Variants in MTUS2 observed in about 807,000 individuals in gnomAD.
MTUS2 encodes microtubule associated scaffold protein 2.
A neutral mutation model predicts 114.1 loss-of-function variants in MTUS2; 40 were observed. That is an observed-to-expected ratio of 0.35 (90% CI 0.27 to 0.46). The LOEUF is 0.46. Ranked by LOEUF, MTUS2 falls within the 20% of genes least tolerant of loss-of-function variation. MTUS2 has a pLI of 1.00. For synonymous variants in MTUS2, 688 were observed against 672.0 expected, an observed-to-expected ratio of 1.02 and a Z score of -0.37; for missense variants, 1,679 against 1,705.4, an observed-to-expected ratio of 0.98 and a Z score of 0.27.
chr13:29,195,304 T>A (rs1163244287), intron 5 of MTUS2, among the ~76,000 whole-genome samples: 1 of 151,834 alleles, frequency 6.6e-6, no homozygotes, highest in Non-Finnish European at 1.5e-5. Flanking sequence ...TTGGATATTA[T>A]AGAAAGGTTA....
intron 5 of MTUS2, among the ~76,000 whole-genome samples, chr13:29,203,711 T>A (rs1895060425): frequency 6.6e-6 from 1 of 152,052 alleles, no homozygotes; most frequent in Non-Finnish European, 1.5e-5. Flanking sequence ...AAAAGCATAG[T>A]ATCTGGGCTG....
intron 4 of MTUS2, among the ~76,000 whole-genome samples, chr13:29,050,576 A>T (rs534000066): frequency 6.6e-6 from 1 of 151,990 alleles, no homozygotes. Context: ...CTCGGTCACA[A>T]CCATCAGCGT....
At chr13:29,374,288 A>AATGGC (rs1270782662) in intron 8 of MTUS2, among the ~76,000 whole-genome samples, 1 of 151,756 alleles carries the variant, frequency 6.6e-6, no homozygotes. Context: ...GTGAAGAAAT[A>AATGGC]ATGGCTGAAA....
At chr13:29,476,951 C>G (rs1305190869) in intron 9 of MTUS2, 2 of 152,186 alleles carry the variant, frequency 1.3e-5, no homozygotes, top group Admixed American at 1.3e-4. Flanking sequence ...TAAATACAAG[C>G]AAACACATCG....
In MTUS2 at chr13:29,487,307, C is replaced by T. The variant is rs1881693903; in HGVS notation, c.3400-593C>T. Among the ~76,000 whole-genome samples, 3 of 152,174 alleles carry T rather than the reference C, an allele frequency of 2.0e-5. No individual in the cohort carries two copies. The South Asian group carries it at 6.2e-4, about 32-fold the overall frequency. ...TTAGAAAGAGCCTCGCCTTTGGAGT[C>T]AGACAGACCTGGGTCTCACTGTTAG... On this transcript the variant is annotated intron_variant, in intron 10 of 15. Coordinates refer to ENST00000612955, the MANE Select transcript of MTUS2 (RefSeq NM_001033602.4).
chr13:29,200,158 T>G (rs971363282), intron 5 of MTUS2, among the ~76,000 whole-genome samples: 4 of 152,112 alleles, frequency 2.6e-5, no homozygotes, highest in Admixed American at 6.5e-5. Context: ...TTCATTGACT[T>G]TTTTTTAAGG....
intron 5 of MTUS2, among the ~76,000 whole-genome samples, chr13:29,164,231 G>A (rs566428496): frequency 5.3e-5 from 8 of 152,292 alleles, no homozygotes; most frequent in Middle Eastern, 3.4e-3. Context: ...CCCTGTGCCC[G>A]CAACAGGCTG....
At chr13:29,208,299 A>C (rs1895279636) in intron 5 of MTUS2, among the ~76,000 whole-genome samples, 2 of 151,608 alleles carry the variant, frequency 1.3e-5, no homozygotes, top group South Asian at 4.2e-4. Context: ...TTTCTAATCG[A>C]GTTTATTTGG....
Position 29,200,521 on chromosome 13 carries a change from G to GTTTTTTTTTTTTTTTT in MTUS2, c.2645-81182_2645-81167dup, listed in dbSNP as rs56965083. On this transcript the variant is annotated intron_variant, in intron 5 of 15. Coordinates refer to ENST00000612955, the MANE Select transcript of MTUS2 (RefSeq NM_001033602.4). Reference sequence around the variant, plus strand: ...TGGTTTTGAGTGAGTTTCTTTTTCTGTTTTTTTTTTTTTTTTGAGATGGAG... The same window carrying GTTTTTTTTTTTTTTTT: ...TGGTTTTGAGTGAGTTTCTTTTTCTGTTTTTTTTTTTTTTTTTTTTTTTTTTTTTTTTGAGATGGAG... 2.9e-4 allele frequency among the ~76,000 whole-genome samples: 25 copies of GTTTTTTTTTTTTTTTT among 85,412 alleles called. 2 individuals are homozygous for GTTTTTTTTTTTTTTTT. Among genetic ancestry groups the GTTTTTTTTTTTTTTTT allele is most frequent in the South Asian group, 8.7e-4 (2 of 2,306 alleles). 56.0% of individuals were successfully genotyped at this position (85,412 alleles called of 152,430 possible).
intron 2 of MTUS2, among the ~76,000 whole-genome samples, chr13:29,010,384 C>A (rs1885786893): frequency 6.6e-6 from 1 of 152,140 alleles, no homozygotes; most frequent in African/African-American, 2.4e-5. Context: ...GAACCAAAAT[C>A]TGGCTTTTGG....
At chr13:29,208,003 A>G (rs887407804) in intron 5 of MTUS2, among the ~76,000 whole-genome samples, 12 of 152,110 alleles carry the variant, frequency 7.9e-5, no homozygotes, top group African/African-American at 2.7e-4. Flanking sequence ...TAGGATTGGT[A>G]CCAATTCTTC....
intron 4 of MTUS2, among the ~76,000 whole-genome samples, chr13:29,059,642 G>A (rs1216223093): frequency 6.6e-6 from 1 of 152,136 alleles, no homozygotes; most frequent in Non-Finnish European, 1.5e-5. Context: ...TGTGCCACTT[G>A]GCAAATTCAG....
At chr13:29,389,273 G>A (rs1470503348) in intron 8 of MTUS2, among the ~76,000 whole-genome samples, 3 of 149,624 alleles carry the variant, frequency 2.0e-5, no homozygotes, top group African/African-American at 5.0e-5. Context: ...GTGTATATAT[G>A]TATATATGTA....
intron 8 of MTUS2, among the ~76,000 whole-genome samples, chr13:29,405,245 T>C (rs930977311): frequency 1.3e-5 from 2 of 152,246 alleles, no homozygotes; most frequent in African/African-American, 2.4e-5. Flanking sequence ...TCAGCACTTA[T>C]AATCATGTTA....
intron 2 of MTUS2, among the ~76,000 whole-genome samples, chr13:29,000,978 A>G (rs1364923021): frequency 6.6e-6 from 1 of 152,172 alleles, no homozygotes; most frequent in Non-Finnish European, 1.5e-5. Context: ...AACACTTGTC[A>G]GCAGCGTTCT....
At chr13:29,224,910 A>G (rs1376500068) in intron 5 of MTUS2, among the ~76,000 whole-genome samples, 1 of 152,218 alleles carries the variant, frequency 6.6e-6, no homozygotes, top group African/African-American at 2.4e-5. Context: ...GCTCCTGTCC[A>G]ATGATGATAT....
At chr13:28,821,400 A>T (rs1873891986) in intron 1 of MTUS2, among the ~76,000 whole-genome samples, 1 of 152,228 alleles carries the variant, frequency 6.6e-6, no homozygotes, top group African/African-American at 2.4e-5. Context: ...AAGATCCTAC[A>T]TGTATACTTT....
chr13:28,828,091 C>G (rs1211521119), intron 1 of MTUS2, among the ~76,000 whole-genome samples: 1 of 152,174 alleles, frequency 6.6e-6, no homozygotes, highest in African/African-American at 2.4e-5. Flanking sequence ...CCGTAAAAGA[C>G]AGACGTTCCC....
intron 7 of MTUS2, among the ~76,000 whole-genome samples, chr13:29,344,034 A>G (rs973497690): frequency 6.6e-6 from 1 of 151,780 alleles, no homozygotes; most frequent in African/African-American, 2.4e-5. Context: ...TGTAATTTCA[A>G]TTTTCTGAAA....
Sources: gnomAD v4.1 joint callset for allele counts (sites outside exome capture counted in the v4.1 genomes callset) on GRCh38, gnomAD v4.1.1 for gene constraint, MANE v1.5 for transcripts, NCBI Gene and HGNC (gene_info 2026-07-23, HGNC 2026-07-21) for gene names.